WDR33: variants seen among roughly 807,000 people sequenced by gnomAD.
The protein encoded by WDR33 is pre-mRNA 3' end processing protein WDR33.
A neutral mutation model predicts 164.9 loss-of-function variants in WDR33; 47 were observed. That is an observed-to-expected ratio of 0.29 (90% CI 0.23 to 0.36). The LOEUF (loss-of-function observed/expected upper bound fraction) is 0.36. Ranked by LOEUF, WDR33 falls within the 10% of genes least tolerant of loss-of-function variation. The pLI is 1.00. For missense variants in WDR33, 1,137 were observed against 1,754.1 expected, an observed-to-expected ratio of 0.65 and a Z score of 6.28; for synonymous variants, 505 against 589.0, an observed-to-expected ratio of 0.86 and a Z score of 2.06.
In WDR33 at chr2:127,724,984, G is replaced by C. The variant is rs199741656; in HGVS notation, c.1007-19C>G. On this transcript the variant is annotated intron_variant, in intron 9 of 21. Transcript: ENST00000322313. This position sits in a 1 kb window ranked among gnomAD's most constrained non-coding sequence, Gnocchi z 4.8. The stretch of plus-strand genomic sequence containing the variant: ...GCCACAGCTGCAGAACAAAAACATG[G>C]GAAAAGACACAATTATCAGGATCTG... The C allele has an allele frequency of 1.9e-4, 302 of 1,614,124 alleles. No homozygotes were observed. The African/African-American group carries it at 3.7e-3, about 20-fold the overall frequency.
At chr2:127,801,114 A>G (rs1689223879) in intron 1 of WDR33, among the ~76,000 whole-genome samples, 2 of 151,468 alleles carry the variant, frequency 1.3e-5, no homozygotes, top group African/African-American at 4.9e-5. Flanking sequence ...GAAAAAAAAA[A>G]AAAAGAAAAG....
rs1030698393 is a variant in WDR33, at chr2:127,713,736, G to A, written c.3155C>T (p.Pro1052Leu). 6.2e-7 allele frequency: 1 copy of A among 1,614,104 alleles called. No homozygotes were observed. The highest frequency in any genetic ancestry group is 8.5e-7 in the Non-Finnish European group (1 of 1,180,002). ...TTCCCTGTGATCAGGGGGAAACGGA[G>A]GCCCAGGGCCCCCTCGCCTCCACTT... ...EEKWRRGGPG[P>L]PFPPDHREFS... The change falls in exon 18 of 22, where the codon CCT (proline) becomes CTT (leucine). Residue 1052 changes from proline (P) to leucine (L), a missense_variant. By Grantham distance (98) the Pro-to-Leu change is moderately conservative. This residue lies in a region of WDR33 where 867 missense variants were observed against 1,073.0 expected (regional missense o/e 0.81). Transcript: ENST00000322313. This position sits in a 1 kb window ranked among gnomAD's most constrained non-coding sequence, Gnocchi z 6.2.
In WDR33 at chr2:127,738,950, G is replaced by A. The variant is rs7603285; in HGVS notation, c.725-12173C>T. 0.15 allele frequency among the ~76,000 whole-genome samples: 22,219 copies of A among 152,020 alleles called. 1,855 individuals carry two copies. The highest frequency in any genetic ancestry group is 0.23 in the Middle Eastern group (69 of 294). On this transcript the variant is annotated intron_variant, in intron 7 of 21. Coordinates refer to ENST00000322313, the MANE Select transcript of WDR33 (RefSeq NM_018383.5). This position sits in a 1 kb window ranked among gnomAD's most constrained non-coding sequence, Gnocchi z 4.4. ...TAGCATTCAATATCCAACCAGTCCC[G>A]TTATAAATGTAAACATGAAATAAAA... is the stretch of plus-strand genomic sequence containing the variant.
At chr2:127,768,892 G>A in intron 3 of WDR33, 41 bp downstream of exon 3, 1 of 1,472,262 alleles carries the variant, frequency 6.8e-7, no homozygotes, top group Non-Finnish European at 9.4e-7. Flanking sequence ...ATTCAAGCAA[G>A]GAAGTGTTTA....
rs1686307771 is a variant in WDR33, at chr2:127,716,584, T to C, written c.2869+571A>G. Among the ~76,000 whole-genome samples the C allele has an allele frequency of 6.6e-6, 1 of 152,212 alleles. No homozygotes were observed. The highest frequency in any genetic ancestry group is 1.5e-5 in the Non-Finnish European group (1 of 68,034). On this transcript the variant is annotated intron_variant, in intron 17 of 21. Transcript: ENST00000322313. This position sits in a 1 kb window ranked among gnomAD's most constrained non-coding sequence, Gnocchi z 4.5. The stretch of plus-strand genomic sequence containing the variant: ...GCCATGGTGCCCTGCGTGCTCTCCT[T>C]CAACCCTTAGGATTAACTCTAAACT...
chr2:127,740,481 G>A (rs1160354047), intron 7 of WDR33, among the ~76,000 whole-genome samples: 3 of 152,182 alleles, frequency 2.0e-5, no homozygotes, highest in Non-Finnish European at 4.4e-5. Context: ...GGAGGTCAAG[G>A]ATGCAGTGAG....
chr2:127,720,773 T>G lies in WDR33; in HGVS notation c.1672-420A>C, dbSNP rs1048891311. On this transcript the variant is annotated intron_variant, in intron 15 of 21. Coordinates refer to ENST00000322313, the MANE Select transcript of WDR33 (RefSeq NM_018383.5). This position sits in a 1 kb window ranked among gnomAD's most constrained non-coding sequence, Gnocchi z 5.9. The stretch of plus-strand genomic sequence containing the variant: ...CAGGGTCTTGCTATATTGCCCAGGC[T>G]GATCTCAAACTCCTGGGTTCAGCTG... Among the ~76,000 whole-genome samples, 44 of 152,314 alleles carry G rather than the reference T, an allele frequency of 2.9e-4. No individual in the cohort carries two copies. The highest frequency in any genetic ancestry group is 9.9e-4 in the African/African-American group (41 of 41,578).
At chr2:127,788,139 G>A (rs1401928941) in intron 1 of WDR33, among the ~76,000 whole-genome samples, 1 of 96,636 alleles carries the variant, frequency 1.0e-5, no homozygotes, top group Admixed American at 9.1e-5. Context: ...TCCCAGTAGG[G>A]GCGGCCGGGC....
intron 1 of WDR33, 45 bp from the exon 2 acceptor site, chr2:127,771,049 A>G: frequency 7.0e-7 from 1 of 1,418,698 alleles, no homozygotes; most frequent in South Asian, 1.2e-5. Flanking sequence ...TCAGCACTGC[A>G]ACACTGCCTG....
rs1281474788 is a variant in WDR33, at chr2:127,708,019, C to T, written c.3781+658G>A. Among the ~76,000 whole-genome samples the T allele has an allele frequency of 6.6e-6, 1 of 152,190 alleles. No homozygotes were observed. The highest frequency in any genetic ancestry group is 2.4e-5 in the African/African-American group (1 of 41,444). On this transcript the variant is annotated intron_variant, in intron 21 of 21. Transcript: ENST00000322313. This position sits in a 1 kb window ranked among gnomAD's most constrained non-coding sequence, Gnocchi z 6.7. ...CATACAGACAGGCCAACTTCAGGAG[C>T]AGAGCACAAGCTGGGGCATGCGGGG... is the stretch of plus-strand genomic sequence containing the variant.
chr2:127,750,205 T>C (rs1687283746), intron 7 of WDR33, among the ~76,000 whole-genome samples: 1 of 152,032 alleles, frequency 6.6e-6, no homozygotes, highest in Non-Finnish European at 1.5e-5. Flanking sequence ...TTTGTATTTG[T>C]TTTGTACAAA....
chr2:127,709,701 G>A lies in WDR33; in HGVS notation c.3464C>T (p.Thr1155Ile). The A allele has an allele frequency of 6.2e-7, 1 of 1,614,192 alleles. No homozygotes were observed. Among genetic ancestry groups the A allele is most frequent in the Non-Finnish European group, 8.5e-7 (1 of 1,180,042 alleles). ...TTTAGTAACTCGCTCACCTCGTGGG[G>A]TACCCCGACCTCGACCTCTGAGATC... ...GRDLRGRGRGTPRGGRKGLLP... is the reference protein window; with the variant it reads ...GRDLRGRGRGIPRGGRKGLLP... The change falls in exon 19 of 22, where the codon ACC (threonine) becomes ATC (isoleucine). Residue 1155 changes from threonine (T) to isoleucine (I), a missense_variant. This residue lies in a region of WDR33 where 867 missense variants were observed against 1,073.0 expected (regional missense o/e 0.81). Coordinates refer to ENST00000322313, the MANE Select transcript of WDR33 (RefSeq NM_018383.5). The surrounding 1 kb of genome is among the most constrained non-coding windows in gnomAD (Gnocchi z 5.0).
intron 7 of WDR33, among the ~76,000 whole-genome samples, chr2:127,742,522 CA>C (rs66766896): frequency 0.33 from 25,826 of 79,078 alleles, 2,112 homozygotes; most frequent in South Asian, 0.48. Context: ...GACCCTGTCT[CA>C]AAAAAAAAAA....
In WDR33 at chr2:127,701,060, CTGTT is replaced by C. The variant is rs1414224866; in HGVS notation, c.*5259_*5262del. ...AAATTAAATTTTTATTTTGAGATCA[CTGTT>C]TGTGTTCAGTTGTAAGAAACAAGAG... On this transcript the variant is annotated 3_prime_UTR_variant, in exon 22 of 22. Coordinates refer to ENST00000322313, the MANE Select transcript of WDR33 (RefSeq NM_018383.5). The C allele has an allele frequency of 1.3e-5, 2 of 152,774 alleles. No homozygotes were observed. The highest frequency in any genetic ancestry group is 2.4e-5 in the African/African-American group (1 of 41,460). 9.5% of individuals were successfully genotyped at this position (152,774 alleles called of 1,614,324 possible). A position where few individuals can be genotyped will look rare whatever the true frequency, so the allele number is the denominator to read the frequency against.
Position 127,720,207 on chromosome 2 carries a change from T to C in WDR33, c.1818A>G (p.Pro606=). 6.2e-7 allele frequency: 1 copy of C among 1,608,088 alleles called. No individual in the cohort carries two copies. The highest frequency in any genetic ancestry group is 1.1e-5 in the South Asian group (1 of 90,286). ...CCATGTTCATTGGCATCTGCTGAGA[T>C]GGATGGGGCTGTTGAAAACCTTGAG... ...QIPQGFQQPH[P]SQQMPMNMAQ... The change falls in exon 16 of 22, where the codon CCA becomes CCG. Residue 606 remains proline, a synonymous_variant. Transcript: ENST00000322313. The surrounding 1 kb of genome is among the most constrained non-coding windows in gnomAD (Gnocchi z 5.9).
chr2:127,709,588 C>A lies in WDR33; in HGVS notation c.3473-6G>T. The A allele has an allele frequency of 6.2e-7, 1 of 1,613,102 alleles. No homozygotes were observed. Among genetic ancestry groups the A allele is most frequent in the East Asian group, 2.2e-5 (1 of 44,848 alleles). On this transcript the variant is annotated splice_polypyrimidine_tract_variant and splice_region_variant and intron_variant, in intron 19 of 21. Coordinates refer to ENST00000322313, the MANE Select transcript of WDR33 (RefSeq NM_018383.5). This position sits in a 1 kb window ranked among gnomAD's most constrained non-coding sequence, Gnocchi z 5.0. ...AAGTAAACCCTTCCTTCCTCCTACA[C>A]AACAGAGCAAACAATGCTGCACTCA...
chr2:127,733,702 T>C (rs1686765993), intron 7 of WDR33, among the ~76,000 whole-genome samples: 1 of 151,666 alleles, frequency 6.6e-6, no homozygotes, highest in South Asian at 2.1e-4. Context: ...ACTTCCGTCG[T>C]CACAAAACAA....
chr2:127,701,990 C>G lies in WDR33; in HGVS notation c.*4333G>C. On this transcript the variant is annotated 3_prime_UTR_variant, in exon 22 of 22. Transcript: ENST00000322313. ...CGCTGCTCTACATGGCAGCGCTGGG[C>G]GCCACGCTGTTCGCCGCGCTGGGCC... The G allele has an allele frequency of 7.5e-7, 1 of 1,340,806 alleles. No homozygotes were observed. The allele number at this position is 1,340,806 out of a possible 1,614,324, so 83.1% of individuals were successfully genotyped here.
Position 127,701,856 on chromosome 2 carries a change from C to G in WDR33, c.*4467G>C, listed in dbSNP as rs746094091. The G allele has an allele frequency of 1.4e-6, 2 of 1,459,840 alleles. No individual in the cohort carries two copies. The highest frequency in any genetic ancestry group is 1.8e-6 in the Non-Finnish European group (2 of 1,111,138). The allele number at this position is 1,459,840 out of a possible 1,614,324, so 90.4% of individuals were successfully genotyped here. On this transcript the variant is annotated 3_prime_UTR_variant, in exon 22 of 22. Coordinates refer to ENST00000322313, the MANE Select transcript of WDR33 (RefSeq NM_018383.5). The stretch of plus-strand genomic sequence containing the variant: ...GCTGCTGCGCGCGCGCAAGTTCGCG[C>G]TGCTCTGGTCACTGGGCTCGGCGCT...
Sources: gnomAD v4.1 joint callset for allele counts (sites outside exome capture counted in the v4.1 genomes callset) on GRCh38, gnomAD v4.1.1 for gene constraint, gnomAD v4.1.1 regional missense constraint, Gnocchi (gnomAD v3.1) non-coding constraint, MANE v1.5 for transcripts, NCBI Gene and HGNC (gene_info 2026-07-23, HGNC 2026-07-21) for gene names.